RANBP2: variants seen among roughly 807,000 people sequenced by gnomAD.
The protein encoded by RANBP2 is E3 SUMO-protein ligase RanBP2.
In RANBP2, 57 loss-of-function variants were observed where a neutral mutation model predicts 303.6. The ratio of observed to expected loss-of-function variants is 0.19; its 90% CI spans 0.15 to 0.23. RANBP2 has a LOEUF of 0.23. RANBP2 is among the 10% of genes least tolerant of loss of function. The pLI, the probability that RANBP2 is intolerant of heterozygous loss-of-function variation, is 1.00. For missense variants in RANBP2, 3,138 were observed against 3,780.8 expected (o/e 0.83, Z 4.46); for synonymous variants, 1,167 against 1,301.5 (o/e 0.90, Z 2.23).
chr2:108,788,088 A>G (rs1256965962), downstream of RANBP2: 5 of 1,602,198 alleles, frequency 3.1e-6, no homozygotes, highest in Non-Finnish European at 4.3e-6. Context: ...TAACCTCCCC[A>G]GGTAAGCCGG....
At chr2:109,636,529 T>C in the RANBP2 span, among the ~76,000 whole-genome samples, 1 of 152,152 alleles carries the variant, frequency 6.6e-6, no homozygotes, top group African/African-American at 2.4e-5. Flanking sequence ...TGTGGAGCTC[T>C]TCCAGATTAA....
At chr2:108,860,755 A>G in the RANBP2 span, among the ~76,000 whole-genome samples, 1 of 151,716 alleles carries the variant, frequency 6.6e-6, no homozygotes, top group African/African-American at 2.4e-5. Context: ...ATATTGGCCT[A>G]TAGTTTTCTA....
intron 1 of RANBP2, among the ~76,000 whole-genome samples, chr2:108,728,594 T>TGA (rs1558873275): frequency 9.0e-5 from 9 of 100,256 alleles, no homozygotes; most frequent in Admixed American, 5.1e-4. Flanking sequence ...CCCAGCTTAT[T>TGA]TATGATGATG....
At chr2:109,684,184 C>T in the RANBP2 span, among the ~76,000 whole-genome samples, 1 of 150,832 alleles carries the variant, frequency 6.6e-6, no homozygotes. Context: ...ACAAATGATC[C>T]ACCCGCCTTA....
chr2:108,923,876 G>A, the RANBP2 span, among the ~76,000 whole-genome samples: 1 of 152,248 alleles, frequency 6.6e-6, no homozygotes, highest in South Asian at 2.1e-4. Context: ...AGAGCCTGCA[G>A]CCTAGTGGGA....
chr2:108,835,175 A>T, the RANBP2 span, among the ~76,000 whole-genome samples: 5 of 150,856 alleles, frequency 3.3e-5, no homozygotes, highest in Non-Finnish European at 5.9e-5. Context: ...TGATTCAAAC[A>T]TTAGTTGTTG....
chr2:109,197,370 TCA>T, the RANBP2 span, among the ~76,000 whole-genome samples: 2 of 152,186 alleles, frequency 1.3e-5, no homozygotes, highest in Non-Finnish European at 2.9e-5. Context: ...CACTTGGACT[TCA>T]GTCTTTCCTC....
chr2:109,207,359 C>T, the RANBP2 span, among the ~76,000 whole-genome samples: 2 of 152,034 alleles, frequency 1.3e-5, no homozygotes, highest in Non-Finnish European at 2.9e-5. Context: ...CTCTTTGTCT[C>T]TGGGGGAGGG....
the RANBP2 span, among the ~76,000 whole-genome samples, chr2:109,612,248 G>C: frequency 6.6e-6 from 1 of 152,114 alleles, no homozygotes; most frequent in African/African-American, 2.4e-5. Flanking sequence ...ATAAGTCTTG[G>C]AATGACAAAA....
the RANBP2 span, among the ~76,000 whole-genome samples, chr2:109,026,368 A>G: frequency 6.9e-6 from 1 of 145,400 alleles, no homozygotes; most frequent in Non-Finnish European, 1.5e-5. Flanking sequence ...GGCTCAAGCG[A>G]TCTTCCTGCT....
At chr2:108,726,952 A>G (rs1558871489) in intron 1 of RANBP2, among the ~76,000 whole-genome samples, 2 of 152,186 alleles carry the variant, frequency 1.3e-5, no homozygotes, top group Admixed American at 1.3e-4. Flanking sequence ...GGTTGGGGGT[A>G]AGGTCACAGA....
chr2:109,184,478 C>T, the RANBP2 span, among the ~76,000 whole-genome samples: 1 of 152,164 alleles, frequency 6.6e-6, no homozygotes, highest in Non-Finnish European at 1.5e-5. Flanking sequence ...CCCTGTCTGT[C>T]CCAGCCGTGG....
chr2:109,251,363 G>T, the RANBP2 span: 1 of 616,022 alleles, frequency 1.6e-6, no homozygotes, highest in Non-Finnish European at 3.1e-6. Context: ...TGCCGCGGGA[G>T]CATGAGGGAG....
the RANBP2 span, among the ~76,000 whole-genome samples, chr2:109,167,429 C>T: frequency 6.6e-6 from 1 of 152,128 alleles, no homozygotes. Context: ...TATATCCTGG[C>T]AAGGGGTGAT....
chr2:109,282,521 CAG>C, the RANBP2 span, among the ~76,000 whole-genome samples: 4 of 152,228 alleles, frequency 2.6e-5, no homozygotes, highest in East Asian at 7.8e-4. Flanking sequence ...GGTGGGAGGA[CAG>C]GGGAGGGGTG....
the RANBP2 span, among the ~76,000 whole-genome samples, chr2:109,612,881 A>T: frequency 6.6e-6 from 1 of 152,326 alleles, no homozygotes. Flanking sequence ...CTTTGGACGG[A>T]TCCTCTAATC....
chr2:109,097,736 GGTGTGT>G, the RANBP2 span, among the ~76,000 whole-genome samples: 57,606 of 146,474 alleles, frequency 0.39, 13,635 homozygotes, highest in Non-Finnish European at 0.53. Context: ...ATGTGCTTAG[GGTGTGT>G]GTGTGTGTGT....
the RANBP2 span, among the ~76,000 whole-genome samples, chr2:109,383,164 C>T: frequency 2.6e-5 from 4 of 152,238 alleles, no homozygotes; most frequent in South Asian, 8.3e-4. Flanking sequence ...GAAGTGAAAG[C>T]ATACTTAGCT....
chr2:109,086,860 C>T, the RANBP2 span, among the ~76,000 whole-genome samples: 1 of 152,206 alleles, frequency 6.6e-6, no homozygotes, highest in Non-Finnish European at 1.5e-5. Flanking sequence ...CCCACATCAT[C>T]TTTACCTGCA....
Sources: allele counts gnomAD v4.1 joint callset (sites outside exome capture counted in the v4.1 genomes callset), GRCh38; gene constraint gnomAD v4.1.1; transcripts MANE v1.5; gene names NCBI Gene and HGNC (gene_info 2026-07-23, HGNC 2026-07-21).